Variants in TVP23B observed in about 807,000 individuals in gnomAD.
TVP23B encodes the protein trans-golgi network vesicle protein 23 homolog B, also known as Golgi apparatus membrane protein TVP23 homolog B.
In TVP23B, 10 loss-of-function variants were observed where a neutral mutation model predicts 30.6. The observed-to-expected ratio is 0.33, with a 90% CI of 0.20 to 0.55. The LOEUF (loss-of-function observed/expected upper bound fraction) is 0.55, where lower values mean the gene tolerates loss of function less well. TVP23B is among the 20% of genes least tolerant of loss of function. The pLI, the probability that TVP23B is intolerant of heterozygous loss-of-function variation, is 0.91. For synonymous variants in TVP23B, 67 were observed against 83.1 expected (o/e 0.81, Z 1.06); for missense variants, 153 against 243.2 (o/e 0.63, Z 2.47).
At chr17:18,785,032 C>T (rs1344063074) in intron 1 of TVP23B, among the ~76,000 whole-genome samples, 1 of 152,220 alleles carries the variant, frequency 6.6e-6, no homozygotes, top group East Asian at 1.9e-4. Context: ...TCATCACCTC[C>T]ACTGCATCCA....
intron 5 of TVP23B, among the ~76,000 whole-genome samples, chr17:18,802,798 T>C (rs977101043): frequency 2.0e-5 from 3 of 152,226 alleles, no homozygotes; most frequent in Non-Finnish European, 2.9e-5. Context: ...GCAGGACCCA[T>C]GATTGGTCTT....
At chr17:18,798,731 T>C (rs1330197015) in intron 4 of TVP23B, 81 bp from the exon 5 acceptor site, 59 of 1,538,934 alleles carry the variant, frequency 3.8e-5, no homozygotes, top group Non-Finnish European at 4.8e-5. Flanking sequence ...AACTTGTGGG[T>C]AATATGTTTT....
rs771456997 is a variant in TVP23B at position 18,790,966 on chromosome 17, T to C, written c.166T>C (p.Leu56=). The change falls in exon 3 of 7, where the codon TTG becomes CTG. Residue 56 remains leucine, a synonymous_variant. Coordinates refer to ENST00000307767, the MANE Select transcript of TVP23B (RefSeq NM_016078.6). Reference sequence around the variant, plus strand: ...AATCATCGTCTATCTTCTCTGTGGGTTGCTCAGCAGCAGCTTTATTACCTG... The same window carrying C: ...AATCATCGTCTATCTTCTCTGTGGGCTGCTCAGCAGCAGCTTTATTACCTG... ...SAIIVYLLCG[L]LSSSFITCMV... The C allele has an allele frequency of 4.3e-6, 7 of 1,612,538 alleles. No homozygotes were observed. The highest frequency in any genetic ancestry group is 5.9e-6 in the Non-Finnish European group (7 of 1,179,550).
At chr17:18,789,821 A>C (rs1223370770) in intron 2 of TVP23B, among the ~76,000 whole-genome samples, 1 of 152,238 alleles carries the variant, frequency 6.6e-6, no homozygotes, top group Non-Finnish European at 1.5e-5. Flanking sequence ...CACTTACTGA[A>C]AGCAAATTCT....
At chr17:18,800,162 T>A (rs200072387) in intron 5 of TVP23B, among the ~76,000 whole-genome samples, 1 of 151,938 alleles carries the variant, frequency 6.6e-6, no homozygotes, top group East Asian at 1.9e-4. Context: ...TGGTTTTCTT[T>A]GTAACATTAA....
intron 1 of TVP23B, chr17:18,781,620 C>T (rs543884493): frequency 2.0e-4 from 80 of 408,858 alleles, no homozygotes; most frequent in African/African-American, 1.5e-3. Context: ...GAGGAGCGGC[C>T]TGCGGGCCTC....
intron 1 of TVP23B, among the ~76,000 whole-genome samples, chr17:18,783,112 C>T (rs1334769986): frequency 7.7e-6 from 1 of 130,626 alleles, no homozygotes; most frequent in African/African-American, 2.8e-5. Flanking sequence ...TTGATTCATT[C>T]ATTCATTTAT....
rs2036242338 is a variant in TVP23B, at chr17:18,805,798, C to A, written c.*231C>A. ...ACTAGAAACATTGTCAAGATTTGTT[C>A]TGTGGTGTAGGTATGCACATTCCAT... On this transcript the variant is annotated 3_prime_UTR_variant, in exon 7 of 7. Transcript: ENST00000307767. 1.3e-5 allele frequency: 18 copies of A among 1,405,798 alleles called. No individual in the cohort carries two copies. Among genetic ancestry groups the A allele is most frequent in the Non-Finnish European group, 1.6e-5 (17 of 1,081,298 alleles). The allele number at this position is 1,405,798 out of a possible 1,614,324, so 87.1% of individuals were successfully genotyped here.
chr17:18,803,511 T>G (rs2036199306), intron 5 of TVP23B, among the ~76,000 whole-genome samples: 1 of 152,240 alleles, frequency 6.6e-6, no homozygotes. Flanking sequence ...TTTTCTCACT[T>G]CTCATTGATC....
In TVP23B at chr17:18,795,915, G is replaced by T. The variant is rs539156219; in HGVS notation, c.241-1664G>T. 4.0e-5 allele frequency: 6 copies of T among 151,146 alleles called. 1 individual carries two copies. Among genetic ancestry groups the T allele is most frequent in the African/African-American group, 1.2e-4 (5 of 41,128 alleles). The allele number at this position is 151,146 out of a possible 1,614,324, so 9.4% of individuals were successfully genotyped here. A position where few individuals can be genotyped will look rare whatever the true frequency, so the allele number is the denominator to read the frequency against. ...GCATTATCATAGGTATGTACTTACA[G>T]GAAAAAATATAGCATATATAAGGTT... On this transcript the variant is annotated intron_variant, in intron 3 of 6. Coordinates refer to ENST00000307767, the MANE Select transcript of TVP23B (RefSeq NM_016078.6).
intron 2 of TVP23B, 88 bp from the exon 3 acceptor site, chr17:18,790,808 A>G (rs867017720): frequency 2.0e-6 from 3 of 1,500,640 alleles, no homozygotes; most frequent in Non-Finnish European, 1.8e-6. Flanking sequence ...CTTCACAGTT[A>G]CACGATGGCT....
chr17:18,784,762 G>C (rs1161518459), intron 1 of TVP23B, among the ~76,000 whole-genome samples: 2 of 152,194 alleles, frequency 1.3e-5, no homozygotes, highest in African/African-American at 4.8e-5. Context: ...TGGTTTCCAG[G>C]ACACTACCCC....
At chr17:18,797,463 T>C in intron 3 of TVP23B, 116 bp from the exon 4 acceptor site, 4 of 1,486,238 alleles carry the variant, frequency 2.7e-6, no homozygotes, top group Non-Finnish European at 1.8e-6. Context: ...TAACTGGATA[T>C]TATGGAGGTA....
Position 18,806,009 on chromosome 17 carries a change from A to G in TVP23B, c.*442A>G, listed in dbSNP as rs953990765. Reference sequence around the variant, plus strand: ...GTTTTCAGGAGAAAGTTTTGCTTCTATGGTAAGAGTGAGCACTTTGGCTTA... The same window carrying G: ...GTTTTCAGGAGAAAGTTTTGCTTCTGTGGTAAGAGTGAGCACTTTGGCTTA... On this transcript the variant is annotated 3_prime_UTR_variant, in exon 7 of 7. Transcript: ENST00000307767. 230 of 968,770 alleles carry G rather than the reference A, an allele frequency of 2.4e-4. No homozygotes were observed. Among genetic ancestry groups the G allele is most frequent in the Non-Finnish European group, 2.7e-4 (216 of 814,130 alleles). 60.0% of individuals were successfully genotyped at this position (968,770 alleles called of 1,614,324 possible).
At chr17:18,800,834 C>T (rs1201595258) in intron 5 of TVP23B, among the ~76,000 whole-genome samples, 1 of 152,206 alleles carries the variant, frequency 6.6e-6, no homozygotes, top group African/African-American at 2.4e-5. Context: ...TATGTTGGAT[C>T]ATTTTTATTT....
At position 18,806,045 on chromosome 17, in the gene TVP23B, A is replaced by G. The variant is rs1251729037; in HGVS notation, c.*478A>G. 2.6e-5 allele frequency: 25 copies of G among 977,380 alleles called. No homozygotes were observed. The African/African-American group carries it at 4.0e-4, about 16-fold the overall frequency. 60.5% of individuals were successfully genotyped at this position (977,380 alleles called of 1,614,324 possible). A position where few individuals can be genotyped will look rare whatever the true frequency, so the allele number is the denominator to read the frequency against. ...GAGCACTTTGGCTTATGTATAAGTT[A>G]GAAATAATTGTTAGTTTTTAATATG... On this transcript the variant is annotated 3_prime_UTR_variant, in exon 7 of 7. Coordinates refer to ENST00000307767, the MANE Select transcript of TVP23B (RefSeq NM_016078.6).
chr17:18,783,544 T>G (rs1191439402), intron 1 of TVP23B, among the ~76,000 whole-genome samples: 2 of 152,206 alleles, frequency 1.3e-5, no homozygotes, highest in Non-Finnish European at 2.9e-5. Context: ...CAACGTTTCT[T>G]CTCTTATCCT....
chr17:18,790,625 ATTCT>A (rs1487956266), intron 2 of TVP23B, among the ~76,000 whole-genome samples: 1 of 152,190 alleles, frequency 6.6e-6, no homozygotes, highest in Admixed American at 6.5e-5. Flanking sequence ...GAGAGATAAA[ATTCT>A]TTATTATCTA....
chr17:18,785,006 A>C (rs2035877784), intron 1 of TVP23B, among the ~76,000 whole-genome samples: 1 of 152,274 alleles, frequency 6.6e-6, no homozygotes, highest in Non-Finnish European at 1.5e-5. Flanking sequence ...CTTAAAATGT[A>C]CTTGGAATCT....
Sources: gnomAD v4.1 joint callset for allele counts (sites outside exome capture counted in the v4.1 genomes callset) on GRCh38, gnomAD v4.1.1 for gene constraint, MANE v1.5 for transcripts, NCBI Gene and HGNC (gene_info 2026-07-23, HGNC 2026-07-21) for gene names.